Variants in BBS2 observed in about 807,000 individuals in gnomAD.
BBS2 encodes the protein BBSome complex member BBS2.
A neutral mutation model predicts 83.0 loss-of-function variants in BBS2; 62 were observed. That is an observed-to-expected ratio of 0.75 (90% CI 0.61 to 0.92). The LOEUF (loss-of-function observed/expected upper bound fraction) is 0.92. Ranked by LOEUF, BBS2 falls within the 40% of genes least tolerant of loss-of-function variation. The probability of loss-of-function intolerance (pLI) is 0.00; values close to 1 mark genes in which losing one functional copy is unlikely to be tolerated. For missense variants in BBS2, 784 were observed against 901.0 expected, an observed-to-expected ratio of 0.87 and a Z score of 1.66; for synonymous variants, 303 against 326.1, an observed-to-expected ratio of 0.93 and a Z score of 0.76.
downstream of BBS2, among the ~76,000 whole-genome samples, chr16:56,479,514 A>G (rs546021224): frequency 2.6e-5 from 4 of 152,330 alleles, no homozygotes; most frequent in East Asian, 1.9e-4. Flanking sequence ...GACTATATAA[A>G]TAACACATGC....
intron 17 of BBS2, among the ~76,000 whole-genome samples, chr16:56,473,838 GCT>G (rs1963319882): frequency 6.6e-6 from 1 of 150,716 alleles, no homozygotes; most frequent in African/African-American, 2.4e-5. Flanking sequence ...GTGGACTCTC[GCT>G]CTGTCACCCA....
chr16:56,481,240 T>C (rs1963657175), downstream of BBS2, among the ~76,000 whole-genome samples: 1 of 152,030 alleles, frequency 6.6e-6, no homozygotes, highest in African/African-American at 2.4e-5. Flanking sequence ...GACAGGCGTA[T>C]TAAGGACAGA....
At chr16:56,488,023 G>GT (rs1369024069) in intron 15 of BBS2, among the ~76,000 whole-genome samples, 2 of 152,134 alleles carry the variant, frequency 1.3e-5, no homozygotes, top group African/African-American at 4.8e-5. Flanking sequence ...CATTATGAAC[G>GT]TATTTAATGC....
intron 15 of BBS2, among the ~76,000 whole-genome samples, chr16:56,487,804 A>G (rs1342892393): frequency 1.3e-5 from 2 of 152,192 alleles, no homozygotes; most frequent in Non-Finnish European, 2.9e-5. Context: ...AAACCATGAA[A>G]AAGAAAAGCA....
chr16:56,487,272 G>A (rs1963810736), intron 15 of BBS2, among the ~76,000 whole-genome samples: 1 of 151,544 alleles, frequency 6.6e-6, no homozygotes, highest in African/African-American at 2.4e-5. Context: ...GAGAGAGATA[G>A]AGAGATAGAG....
rs1425726025 is a variant in BBS2 at position 56,514,659 on chromosome 16, T to A, written c.139A>T (p.Thr47Ser). Reference sequence around the variant, plus strand: ...GATGCACTGACATGCTGGTTCCGTGTATGAGGATTATGAATAAAAACCTGA... The same window carrying A: ...GATGCACTGACATGCTGGTTCCGTGAATGAGGATTATGAATAAAAACCTGA... The part of the protein sequence containing the change: ...TGKVFIHNPH[T>S]RNQHVSASRV... Residue 47 changes from threonine to serine, a missense_variant, in exon 2 of 17, where the codon ACA becomes TCA. Physicochemically the swap from Thr to Ser is moderately conservative, Grantham distance 58 (BLOSUM62 1). Coordinates refer to ENST00000245157, the MANE Select transcript of BBS2 (RefSeq NM_031885.5). 6.2e-7 allele frequency: 1 copy of A among 1,613,806 alleles called. No individual in the cohort carries two copies. Among genetic ancestry groups the A allele is most frequent in the South Asian group, 1.1e-5 (1 of 91,026 alleles).
chr16:56,478,175 T>C (rs1359403857), intron 17 of BBS2: 1 of 152,134 alleles, frequency 6.6e-6, no homozygotes, highest in Non-Finnish European at 1.5e-5. Flanking sequence ...TTTTTTGCGT[T>C]TGAGATGGAG....
intron 17 of BBS2, chr16:56,478,164 T>G (rs1373531559): frequency 6.6e-6 from 1 of 152,050 alleles, no homozygotes; most frequent in Admixed American, 6.6e-5. Context: ...AGACCACAAT[T>G]TTTTTTGCGT....
intron 1 of BBS2, 79 bp downstream of exon 1, chr16:56,519,667 G>T: frequency 8.3e-7 from 1 of 1,202,848 alleles, no homozygotes; most frequent in Non-Finnish European, 1.2e-6. Flanking sequence ...TCGGAGAGGG[G>T]ACGGGATCCC....
At position 56,484,794 on chromosome 16, in the gene BBS2, G is replaced by A. The variant is rs1399803076; in HGVS notation, c.2133C>T (p.Phe711=). The change falls in exon 17 of 17, where the codon TTC becomes TTT. Residue 711 remains phenylalanine (F), a synonymous_variant. Transcript: ENST00000245157. ...AAGCTGTCCCCACTCGCATGATTTT[G>A]AACAGTGTGTTGATGTTATTGCTTC... ...AIRSNNINTL[F]KIMRVGTASS 7 of 1,613,940 alleles carry A rather than the reference G, an allele frequency of 4.3e-6. No homozygotes were observed. The South Asian group carries it at 7.7e-5, about 18-fold the overall frequency.
intron 15 of BBS2, among the ~76,000 whole-genome samples, chr16:56,495,169 T>C (rs1396036261): frequency 6.6e-6 from 1 of 152,178 alleles, no homozygotes; most frequent in Non-Finnish European, 1.5e-5. Flanking sequence ...AAATAATTCA[T>C]TAATTCATGA....
At chr16:56,509,741 T>C (rs1217787674) in intron 5 of BBS2, 2 of 538,044 alleles carry the variant, frequency 3.7e-6, no homozygotes, top group African/African-American at 1.9e-5. Context: ...TGCAATAATT[T>C]TTCTCTATTT....
Position 56,501,745 on chromosome 16 carries a change from C to T in BBS2, c.1081-248G>A, listed in dbSNP as rs146470392. On this transcript the variant is annotated intron_variant, in intron 9 of 16. Coordinates refer to ENST00000245157, the MANE Select transcript of BBS2 (RefSeq NM_031885.5). ...CCACTGTATCCCATCATGACTTTAA[C>T]ATTTTTGAAGTATTGTTCTTTTAAA... is the stretch of plus-strand genomic sequence containing the variant. 2.0e-4 allele frequency: 108 copies of T among 527,766 alleles called. 1 individual carries two copies. The East Asian group carries it at 3.4e-3, about 16-fold the overall frequency. 32.7% of individuals were successfully genotyped at this position (527,766 alleles called of 1,614,324 possible).
rs1171655471 is a variant in BBS2 at position 56,494,619 on chromosome 16, G to GT, written c.1910+2347dup. On this transcript the variant is annotated intron_variant, in intron 15 of 16. Coordinates refer to ENST00000245157, the MANE Select transcript of BBS2 (RefSeq NM_031885.5). Reference sequence around the variant, plus strand: ...CAAATTAATGGGACCATGTCCAAAGGTAACTGTATCCAACCTAAAGAGACT... The same window carrying GT: ...CAAATTAATGGGACCATGTCCAAAGGTTAACTGTATCCAACCTAAAGAGACT... Among the ~76,000 whole-genome samples, 4 of 152,198 alleles carry GT rather than the reference G, an allele frequency of 2.6e-5. No individual in the cohort carries two copies. The East Asian group carries it at 7.7e-4, about 29-fold the overall frequency.
At chr16:56,487,680 C>T (rs1963821013) in intron 15 of BBS2, among the ~76,000 whole-genome samples, 2 of 152,126 alleles carry the variant, frequency 1.3e-5, no homozygotes, top group African/African-American at 4.8e-5. Flanking sequence ...TCAGTTCTCC[C>T]TAAGTTAATG....
At position 56,484,525 on chromosome 16, in the gene BBS2, C is replaced by A; in HGVS notation, c.*236G>T. The A allele has an allele frequency of 2.3e-6, 1 of 435,628 alleles. No homozygotes were observed. Among genetic ancestry groups the A allele is most frequent in the Non-Finnish European group, 4.2e-6 (1 of 237,518 alleles). 27.0% of individuals were successfully genotyped at this position (435,628 alleles called of 1,614,324 possible). A position where few individuals can be genotyped will look rare whatever the true frequency, so the allele number is the denominator to read the frequency against. On this transcript the variant is annotated 3_prime_UTR_variant, in exon 17 of 17. Transcript: ENST00000245157. ...CTCTGAAGCCCTAATACTTCAAAAG[C>A]ATTCATCCTATTCCATAAAAACCTA...
intron 5 of BBS2, 114 bp downstream of exon 5, chr16:56,509,843 T>C: frequency 9.2e-7 from 1 of 1,081,144 alleles, no homozygotes; most frequent in South Asian, 1.3e-5. Context: ...CCCAAGCTTT[T>C]ATCCTAAAAC....
chr16:56,519,572 C>A, intron 1 of BBS2, 174 bp downstream of exon 1: 1 of 599,614 alleles, frequency 1.7e-6, no homozygotes, highest in Non-Finnish European at 3.0e-6. Context: ...AAAAGCTCTT[C>A]CTCTAAGACC....
chr16:56,511,134 AAAAAGAATGTTTTCT>A lies in BBS2; in HGVS notation c.471+10_471+24del, dbSNP rs1313503281. The A allele has an allele frequency of 1.9e-6, 3 of 1,613,534 alleles. No individual in the cohort carries two copies. The South Asian group carries it at 3.3e-5, about 18-fold the overall frequency. ...AAAAGTAAAAATGCTTAAGGGTACC[AAAAAGAATGTTTTCT>A]TCTTCATACCGTCCAAAAGAGATCA... On this transcript the variant is annotated intron_variant, in intron 3 of 16. Coordinates refer to ENST00000245157, the MANE Select transcript of BBS2 (RefSeq NM_031885.5).
Sources: allele counts gnomAD v4.1 joint callset (sites outside exome capture counted in the v4.1 genomes callset), GRCh38; gene constraint gnomAD v4.1.1; transcripts MANE v1.5; gene names NCBI Gene and HGNC (gene_info 2026-07-23, HGNC 2026-07-21).